Variants in KCNK9 observed in about 807,000 individuals in gnomAD.
The protein encoded by KCNK9 is potassium channel subfamily K member 9.
KCNK9 carries 1 observed loss-of-function variant against 10.8 expected under a neutral mutation model. The observed-to-expected ratio is 0.09, with a 90% CI of 0.03 to 0.44. The LOEUF (loss-of-function observed/expected upper bound fraction) is 0.44, where lower values mean the gene tolerates loss of function less well. Ranked by LOEUF, KCNK9 falls within the 20% of genes least tolerant of loss-of-function variation. KCNK9 has a pLI of 0.97. For missense variants in KCNK9, 303 were observed against 515.0 expected, an observed-to-expected ratio of 0.59 and a Z score of 3.98; for synonymous variants, 231 against 222.7, an observed-to-expected ratio of 1.04 and a Z score of -0.33.
rs180746689 is a variant in KCNK9, at chr8:139,621,222, T to C, written c.284-2123A>G. On this transcript the variant is annotated intron_variant, in intron 1 of 1. Transcript: ENST00000520439. Reference sequence around the variant, plus strand: ...AGGAGAATCACTTGAACCCAGGTGGTGGAGGTTGCAATGAGCCATGATTGT... The same window carrying C: ...AGGAGAATCACTTGAACCCAGGTGGCGGAGGTTGCAATGAGCCATGATTGT... 1.5e-4 allele frequency among the ~76,000 whole-genome samples: 23 copies of C among 148,588 alleles called. No homozygotes were observed. The East Asian group carries it at 4.4e-3, about 28-fold the overall frequency.
chr8:139,652,260 G>A (rs954725630), intron 1 of KCNK9, among the ~76,000 whole-genome samples: 2 of 152,122 alleles, frequency 1.3e-5, no homozygotes, highest in Admixed American at 6.5e-5. Flanking sequence ...CAGACAGGTG[G>A]CCCCAACCAC....
At chr8:139,655,464 G>A (rs1815998356) in intron 1 of KCNK9, among the ~76,000 whole-genome samples, 1 of 152,184 alleles carries the variant, frequency 6.6e-6, no homozygotes, top group African/African-American at 2.4e-5. Flanking sequence ...GGTGGGGCTG[G>A]GGGAGGAAGG....
chr8:139,625,578 G>A (rs147791488), intron 1 of KCNK9, among the ~76,000 whole-genome samples: 6 of 152,322 alleles, frequency 3.9e-5, no homozygotes, highest in African/African-American at 1.4e-4. Context: ...AAGGTGGCTG[G>A]GGGCAGCTTT....
At position 139,677,863 on chromosome 8, in the gene KCNK9, G is replaced by T. The variant is rs148946759; in HGVS notation, c.283+24847C>A. On this transcript the variant is annotated intron_variant, in intron 1 of 1. Coordinates refer to ENST00000520439, the MANE Select transcript of KCNK9 (RefSeq NM_001282534.2). ...TAGTACCTCACATCCCAGCCCAAGGGGTCCCCATGGCTGCAGAGGAATGCC... is the reference window on the plus strand; with the variant it reads ...TAGTACCTCACATCCCAGCCCAAGGTGTCCCCATGGCTGCAGAGGAATGCC... 9.8e-4 allele frequency among the ~76,000 whole-genome samples: 44 copies of T among 44,734 alleles called. 1 individual carries two copies. The highest frequency in any genetic ancestry group is 2.3e-3 in the African/African-American group (41 of 18,080). The allele number at this position is 44,734 out of a possible 152,430, so 29.3% of individuals were successfully genotyped here.
chr8:139,692,645 G>A (rs1379386537), intron 1 of KCNK9, among the ~76,000 whole-genome samples: 1 of 152,180 alleles, frequency 6.6e-6, no homozygotes, highest in African/African-American at 2.4e-5. Flanking sequence ...CACAGGGAGA[G>A]CCTCTCATCA....
downstream of KCNK9, among the ~76,000 whole-genome samples, chr8:139,613,429 C>T (rs911316602): frequency 6.6e-6 from 1 of 152,142 alleles, no homozygotes; most frequent in African/African-American, 2.4e-5. Context: ...CTTTGGGGAG[C>T]CCAGAATGCA....
chr8:139,653,076 C>T (rs1433619026), intron 1 of KCNK9, among the ~76,000 whole-genome samples: 1 of 152,206 alleles, frequency 6.6e-6, no homozygotes, highest in Non-Finnish European at 1.5e-5. Context: ...TCAAATGCTG[C>T]CAGGCTGTGG....
chr8:139,630,388 T>G (rs1422399380), intron 1 of KCNK9, among the ~76,000 whole-genome samples: 1 of 152,076 alleles, frequency 6.6e-6, no homozygotes, highest in Non-Finnish European at 1.5e-5. Context: ...AGTCCTGGGC[T>G]CTGCCGCCGC....
intron 1 of KCNK9, among the ~76,000 whole-genome samples, chr8:139,672,012 G>T (rs113267521): frequency 6.6e-6 from 1 of 152,220 alleles, no homozygotes; most frequent in Non-Finnish European, 1.5e-5. Context: ...TGATGAACAT[G>T]ATGCAGCATC....
chr8:139,703,034 G>T lies in KCNK9; in HGVS notation c.-42C>A, dbSNP rs1817267380. ...CCGGCGCGGGGGGCATGTCCCGCAG[G>T]CTCACAGCCGCGCGCGTCCCACTGC... On this transcript the variant is annotated 5_prime_UTR_variant, in exon 1 of 2. Coordinates refer to ENST00000520439, the MANE Select transcript of KCNK9 (RefSeq NM_001282534.2). This position sits in a 1 kb window ranked among gnomAD's most constrained non-coding sequence, Gnocchi z 6.4. 6.5e-7 allele frequency: 1 copy of T among 1,531,984 alleles called. No individual in the cohort carries two copies. Among genetic ancestry groups the T allele is most frequent in the Non-Finnish European group, 8.7e-7 (1 of 1,143,392 alleles). 94.9% of individuals were successfully genotyped at this position (1,531,984 alleles called of 1,614,324 possible). A position where few individuals can be genotyped will look rare whatever the true frequency, so the allele number is the denominator to read the frequency against.
chr8:139,642,988 A>AC (rs1815553171), intron 1 of KCNK9, among the ~76,000 whole-genome samples: 2 of 151,628 alleles, frequency 1.3e-5, no homozygotes, highest in Non-Finnish European at 2.9e-5. Context: ...CACGCTCAGG[A>AC]CCCCTCCCTC....
intron 1 of KCNK9, among the ~76,000 whole-genome samples, chr8:139,667,804 A>C (rs1816335752): frequency 6.6e-6 from 1 of 151,748 alleles, no homozygotes; most frequent in African/African-American, 2.4e-5. Context: ...ATTCCATTGC[A>C]CGGGAGGCAG....
intron 1 of KCNK9, among the ~76,000 whole-genome samples, chr8:139,691,315 G>C (rs1563753454): frequency 6.6e-6 from 1 of 152,208 alleles, no homozygotes; most frequent in Non-Finnish European, 1.5e-5. Flanking sequence ...CTCCACATGA[G>C]CTTGTCCCAG....
downstream of KCNK9, among the ~76,000 whole-genome samples, chr8:139,607,856 A>G (rs1814279687): frequency 6.6e-6 from 1 of 152,216 alleles, no homozygotes; most frequent in Non-Finnish European, 1.5e-5. Context: ...TCTACCTGGA[A>G]GACACCTGCC....
At chr8:139,694,428 G>T (rs1428400234) in intron 1 of KCNK9, among the ~76,000 whole-genome samples, 1 of 152,214 alleles carries the variant, frequency 6.6e-6, no homozygotes, top group Non-Finnish European at 1.5e-5. Context: ...CTTAAGGGGT[G>T]TGCCTGGGAT....
intron 1 of KCNK9, among the ~76,000 whole-genome samples, chr8:139,662,919 G>A (rs918186): frequency 2.0e-5 from 3 of 148,264 alleles, no homozygotes; most frequent in South Asian, 2.2e-4. Context: ...GCTTCCTGAC[G>A]CTGCAGAGGG....
At chr8:139,701,494 AGAG>A (rs1425993479) in intron 1 of KCNK9, among the ~76,000 whole-genome samples, 1 of 152,128 alleles carries the variant, frequency 6.6e-6, no homozygotes, top group African/African-American at 2.4e-5. Context: ...GAGGGAAATT[AGAG>A]GAGGAGGTCC....
rs1036010657 is a variant in KCNK9, at chr8:139,693,788, C to T, written c.283+8922G>A. 3.9e-5 allele frequency among the ~76,000 whole-genome samples: 6 copies of T among 152,052 alleles called. 1 individual carries two copies. Among genetic ancestry groups the T allele is most frequent in the Admixed American group, 3.9e-4 (6 of 15,252 alleles). On this transcript the variant is annotated intron_variant, in intron 1 of 1. Transcript: ENST00000520439. This position sits in a 1 kb window ranked among gnomAD's most constrained non-coding sequence, Gnocchi z 4.1. ...GCAAGCTGAGGACCTGGGTCTGATT[C>T]TGCAGGGGATGGGGAGCTGCTGGGG...
intron 1 of KCNK9, among the ~76,000 whole-genome samples, chr8:139,632,241 C>CA (rs1274884968): frequency 2.0e-5 from 3 of 151,954 alleles, no homozygotes; most frequent in Admixed American, 6.6e-5. Context: ...CCACATCATG[C>CA]AAAAAAAGGG....
Sources: gnomAD v4.1 joint callset for allele counts (sites outside exome capture counted in the v4.1 genomes callset) on GRCh38, gnomAD v4.1.1 for gene constraint, Gnocchi (gnomAD v3.1) non-coding constraint, MANE v1.5 for transcripts, NCBI Gene and HGNC (gene_info 2026-07-23, HGNC 2026-07-21) for gene names.